Variants in GABPB1 observed in about 807,000 individuals in gnomAD.
The protein encoded by GABPB1 is GA binding protein transcription factor subunit beta 1.
Under a neutral mutation model 45.9 loss-of-function variants are expected in GABPB1, and 15 were observed. The observed-to-expected ratio is 0.33, with a 90% CI of 0.22 to 0.50. GABPB1 has a LOEUF of 0.50. Among genes scored for constraint, GABPB1 ranks in the 20% least tolerant of loss-of-function variants. GABPB1 has a pLI of 0.98. For missense variants in GABPB1, 252 were observed against 457.5 expected, an observed-to-expected ratio of 0.55 and a Z score of 4.10; for synonymous variants, 143 against 154.4, an observed-to-expected ratio of 0.93 and a Z score of 0.55.
chr15:50,331,311 C>G (rs1458225155), intron 1 of GABPB1, among the ~76,000 whole-genome samples: 1 of 151,952 alleles, frequency 6.6e-6, no homozygotes, highest in Non-Finnish European at 1.5e-5. Context: ...TGTGTAGAAC[C>G]CTTAGTGGCA....
intron 1 of GABPB1, chr15:50,327,187 A>G (rs1200312291): frequency 2.0e-5 from 3 of 152,308 alleles, no homozygotes; most frequent in African/African-American, 7.2e-5. Context: ...GGGAAGTATA[A>G]CTTACCTGCT....
chr15:50,293,187 G>A (rs572802392), intron 6 of GABPB1, among the ~76,000 whole-genome samples: 1 of 152,196 alleles, frequency 6.6e-6, no homozygotes, highest in Admixed American at 6.5e-5. Flanking sequence ...TCTGAAATAT[G>A]CTGAGTTTCT....
At chr15:50,281,568 T>C (rs1427924100) in intron 8 of GABPB1, among the ~76,000 whole-genome samples, 1 of 152,222 alleles carries the variant, frequency 6.6e-6, no homozygotes, top group Non-Finnish European at 1.5e-5. Context: ...TGCTTGTGTG[T>C]AAACATCAAT....
chr15:50,336,867 G>A (rs929921741), intron 1 of GABPB1, among the ~76,000 whole-genome samples: 1 of 149,496 alleles, frequency 6.7e-6, no homozygotes, highest in Non-Finnish European at 1.5e-5. Context: ...GATGAGGCAG[G>A]GGGATCTCTT....
chr15:50,307,263 ATAG>A (rs958991023), intron 2 of GABPB1, among the ~76,000 whole-genome samples: 46 of 152,328 alleles, frequency 3.0e-4, no homozygotes, highest in African/African-American at 1.1e-3. Context: ...TGGATATATA[ATAG>A]TATTTCATGA....
chr15:50,284,130 A>T (rs903529667), intron 8 of GABPB1, among the ~76,000 whole-genome samples: 1 of 152,152 alleles, frequency 6.6e-6, no homozygotes, highest in African/African-American at 2.4e-5. Context: ...AGGAGTATAA[A>T]AGTCTCCCCC....
chr15:50,289,677 A>C lies in GABPB1; in HGVS notation c.698-9T>G. On this transcript the variant is annotated splice_polypyrimidine_tract_variant and intron_variant, in intron 6 of 8. Coordinates refer to ENST00000380877, the MANE Select transcript of GABPB1 (RefSeq NM_016654.5). The stretch of plus-strand genomic sequence containing the variant: ...TTCTTCTGTGGCCACTACTGGAAAA[A>C]AAAAAAAGAAAACTCAGCAAACATA... The C allele has an allele frequency of 6.3e-6, 10 of 1,583,498 alleles. No homozygotes were observed. The highest frequency in any genetic ancestry group is 1.9e-5 in the Admixed American group (1 of 52,192).
chr15:50,354,570 T>C (rs1318570568), intron 1 of GABPB1: 2 of 449,320 alleles, frequency 4.5e-6, no homozygotes, highest in South Asian at 1.6e-5. Context: ...TGCCTTCCTC[T>C]TTCTCCCGCC....
chr15:50,339,333 AAAT>A (rs2048263520), intron 1 of GABPB1, among the ~76,000 whole-genome samples: 1 of 151,868 alleles, frequency 6.6e-6, no homozygotes, highest in Admixed American at 6.6e-5. Context: ...ACAAAAAAAC[AAAT>A]AAATAACCAG....
intron 1 of GABPB1, among the ~76,000 whole-genome samples, chr15:50,336,215 T>C (rs2048119164): frequency 6.6e-6 from 1 of 151,682 alleles, no homozygotes; most frequent in African/African-American, 2.4e-5. Context: ...TAGCCAGGCA[T>C]GGGGGCAAGT....
intron 1 of GABPB1, among the ~76,000 whole-genome samples, chr15:50,320,316 C>T (rs1363255894): frequency 6.6e-6 from 1 of 152,154 alleles, no homozygotes; most frequent in Admixed American, 6.5e-5. Flanking sequence ...TACAGGCATG[C>T]ACCACCAGGC....
intron 1 of GABPB1, among the ~76,000 whole-genome samples, chr15:50,332,773 T>A (rs1363969338): frequency 6.6e-6 from 1 of 152,124 alleles, no homozygotes; most frequent in Non-Finnish European, 1.5e-5. Context: ...TTACTATCCT[T>A]CTAGGTAAGA....
intron 8 of GABPB1, among the ~76,000 whole-genome samples, chr15:50,282,758 A>T (rs1345519434): frequency 6.6e-6 from 1 of 152,180 alleles, no homozygotes; most frequent in Non-Finnish European, 1.5e-5. Flanking sequence ...AATATTTCAT[A>T]AAAATAAAAT....
chr15:50,314,187 A>ATTTTT lies in GABPB1; in HGVS notation c.1-4390_1-4389insAAAAA, dbSNP rs202016529. ...ATACGGTAGATTTATTTATTTATTT[A>ATTTTT]TTTATTTATTTTTTGAGACGGAGTC... On this transcript the variant is annotated intron_variant, in intron 1 of 8. Transcript: ENST00000380877. 4.3e-5 allele frequency among the ~76,000 whole-genome samples: 6 copies of ATTTTT among 139,940 alleles called. 1 individual carries two copies. Among genetic ancestry groups the ATTTTT allele is most frequent in the Admixed American group, 7.0e-5 (1 of 14,206 alleles). The allele number at this position is 139,940 out of a possible 152,430, so 91.8% of individuals were successfully genotyped here.
At chr15:50,308,085 C>T (rs1024441097) in intron 2 of GABPB1, among the ~76,000 whole-genome samples, 7 of 151,944 alleles carry the variant, frequency 4.6e-5, no homozygotes, top group Admixed American at 6.6e-5. Flanking sequence ...TATCTCAAGT[C>T]CTTATAGGTC....
Position 50,282,563 on chromosome 15 carries a change from A to AAAAAAAAAAAAAAC in GABPB1, c.999+3504_999+3505insGTTTTTTTTTTTTT, listed in dbSNP as rs1222633505. Reference sequence around the variant, plus strand: ...AGTGAGACCCTGCCTTAAAAAAGAAAAAAAAAAAAAAACAGAGACGGATGT... The same window carrying AAAAAAAAAAAAAAC: ...AGTGAGACCCTGCCTTAAAAAAGAAAAAAAAAAAAAAAACAAAAAAAAAAAACAGAGACGGATGT... On this transcript the variant is annotated intron_variant, in intron 8 of 8. Coordinates refer to ENST00000380877, the MANE Select transcript of GABPB1 (RefSeq NM_016654.5). Among the ~76,000 whole-genome samples, 79 of 149,798 alleles carry AAAAAAAAAAAAAAC rather than the reference A, an allele frequency of 5.3e-4. 1 individual carries two copies. Among genetic ancestry groups the AAAAAAAAAAAAAAC allele is most frequent in the African/African-American group, 1.9e-3 (76 of 40,290 alleles).
At chr15:50,288,095 A>G (rs2046226901) in intron 7 of GABPB1, among the ~76,000 whole-genome samples, 1 of 152,164 alleles carries the variant, frequency 6.6e-6, no homozygotes, top group Non-Finnish European at 1.5e-5. Flanking sequence ...TCTGTCATCC[A>G]CACTGGAGTG....
At chr15:50,298,197 T>A (rs1380428600) in intron 6 of GABPB1, among the ~76,000 whole-genome samples, 1 of 152,094 alleles carries the variant, frequency 6.6e-6, no homozygotes, top group Admixed American at 6.6e-5. Flanking sequence ...GCTCAAGTGA[T>A]CCTCCCACCT....
chr15:50,313,729 C>A (rs2047211185), intron 1 of GABPB1, among the ~76,000 whole-genome samples: 1 of 151,806 alleles, frequency 6.6e-6, no homozygotes, highest in African/African-American at 2.4e-5. Context: ...TTTTTAACGT[C>A]AAAATATGCA....
Sources: allele counts gnomAD v4.1 joint callset (sites outside exome capture counted in the v4.1 genomes callset), GRCh38; gene constraint gnomAD v4.1.1; transcripts MANE v1.5; gene names NCBI Gene and HGNC (gene_info 2026-07-23, HGNC 2026-07-21).